Variants in TRPM1 observed in about 807,000 individuals in gnomAD.
TRPM1 encodes TRPM1-203 APA Isoform, Intron 10.
In TRPM1, 113 loss-of-function variants were observed where a neutral mutation model predicts 149.4. The observed-to-expected ratio is 0.76, with a 90% confidence interval of 0.65 to 0.88. The LOEUF (loss-of-function observed/expected upper bound fraction) is 0.88, where lower values mean the gene tolerates loss of function less well. TRPM1 is among the 40% of genes least tolerant of loss of function. TRPM1 has a pLI of 0.00. For missense variants in TRPM1, 1,976 were observed against 2,038.7 expected, an observed-to-expected ratio of 0.97 and a Z score of 0.59; for synonymous variants, 741 against 759.5, an observed-to-expected ratio of 0.98 and a Z score of 0.40.
In TRPM1 at chr15:31,070,310, G is replaced by C. The variant is rs1050313671; in HGVS notation, c.84-84C>G. 9 of 1,385,974 alleles carry C rather than the reference G, an allele frequency of 6.5e-6. No individual in the cohort carries two copies. The African/African-American group carries it at 1.3e-4, about 20-fold the overall frequency. 85.9% of individuals were successfully genotyped at this position (1,385,974 alleles called of 1,614,324 possible). Reference sequence around the variant, plus strand: ...AGCAAAAATGAATTAACCTCAACAGGTGAGTTGGGCCCAAACAGGAGCCTA... The same window carrying C: ...AGCAAAAATGAATTAACCTCAACAGCTGAGTTGGGCCCAAACAGGAGCCTA... On this transcript the variant is annotated intron_variant, in intron 3 of 27. Transcript: ENST00000256552.
At chr15:31,102,041 T>A (rs1177315788), upstream of TRPM1, among the ~76,000 whole-genome samples, 1 of 152,218 alleles carries the variant, frequency 6.6e-6, no homozygotes, top group Non-Finnish European at 1.5e-5. Context: ...CAATTGGACA[T>A]AATGGTTCTT....
intron 27 of TRPM1, among the ~76,000 whole-genome samples, chr15:31,010,256 G>A (rs1045782361): frequency 1.3e-5 from 2 of 152,196 alleles, no homozygotes; most frequent in African/African-American, 4.8e-5. Context: ...TGATTCCAAT[G>A]CCAGTTCAGT....
chr15:31,112,689 G>C (rs1057203021), intron 1 of TRPM1, among the ~76,000 whole-genome samples: 1 of 152,084 alleles, frequency 6.6e-6, no homozygotes, highest in African/African-American at 2.4e-5. Flanking sequence ...CTGCCCAAAG[G>C]TGATATTCTC....
intron 1 of TRPM1, among the ~76,000 whole-genome samples, chr15:31,123,361 C>T (rs145112881): frequency 7.2e-5 from 11 of 152,184 alleles, no homozygotes; most frequent in African/African-American, 2.6e-4. Context: ...AACTTCTGCT[C>T]TGTAAAAGAC....
In TRPM1 at chr15:31,058,756, T is replaced by C. The variant is rs1039176058; in HGVS notation, c.1263+1788A>G. Among the ~76,000 whole-genome samples the C allele has an allele frequency of 2.0e-5, 3 of 152,344 alleles. No homozygotes were observed. In the East Asian group the frequency reaches 5.8e-4, roughly 29 times the overall value. On this transcript the variant is annotated intron_variant, in intron 11 of 27. Transcript: ENST00000256552. ...GACAGAACAAGTAGGTGGTTCCACG[T>C]ACTCTTTACCGTCATAAAGGTGACC... is the stretch of plus-strand genomic sequence containing the variant.
chr15:31,088,014 T>G (rs1274890886), intron 1 of TRPM1, among the ~76,000 whole-genome samples: 1 of 152,236 alleles, frequency 6.6e-6, no homozygotes, highest in East Asian at 1.9e-4. Flanking sequence ...TAAAACAACT[T>G]TTTAAGAAAT....
At chr15:31,017,779 A>G (rs1382775160) in intron 27 of TRPM1, among the ~76,000 whole-genome samples, 3 of 152,258 alleles carry the variant, frequency 2.0e-5, no homozygotes, top group African/African-American at 4.8e-5. Context: ...GGGGTTGTAC[A>G]TAATGTGTTC....
intron 1 of TRPM1, among the ~76,000 whole-genome samples, chr15:31,152,885 C>T (rs554799861): frequency 6.6e-6 from 1 of 152,276 alleles, no homozygotes; most frequent in East Asian, 1.9e-4. Context: ...TCAAGTGATC[C>T]TCTTGCCTCA....
rs983376248 is a variant in TRPM1 at position 31,001,138 on chromosome 15, GATATA to G, written c.*679_*683del. On this transcript the variant is annotated 3_prime_UTR_variant, in exon 28 of 28. Transcript: ENST00000256552. Reference sequence around the variant, plus strand: ...CCTAAATTATTAGAGTATGATGTTTGATATAATTGTGTACTTTTTTTCCCATTGTG... The same window carrying G: ...CCTAAATTATTAGAGTATGATGTTTGATTGTGTACTTTTTTTCCCATTGTG... 1.6e-4 allele frequency: 25 copies of G among 152,216 alleles called. No individual in the cohort carries two copies. The highest frequency in any genetic ancestry group is 4.8e-4 in the African/African-American group (20 of 41,532). 9.4% of individuals were successfully genotyped at this position (152,216 alleles called of 1,614,324 possible).
At chr15:31,056,903 G>A (rs1253047570) in intron 11 of TRPM1, among the ~76,000 whole-genome samples, 3 of 152,292 alleles carry the variant, frequency 2.0e-5, no homozygotes, top group Non-Finnish European at 4.4e-5. Context: ...TACCCCATCT[G>A]TGGTATTCTG....
In TRPM1 at chr15:31,040,849, G is replaced by A. The variant is rs796206616; in HGVS notation, c.2088-503C>T. ...AGTTGATCTGGGTGCTGGTGGTGCC[G>A]GCATGTCCCACCTGTGGACTGTCAC... On this transcript the variant is annotated intron_variant, in intron 17 of 27. Coordinates refer to ENST00000256552, the MANE Select transcript of TRPM1 (RefSeq NM_001252024.2). The surrounding 1 kb of genome is among the most constrained non-coding windows in gnomAD (Gnocchi z 4.2). Among the ~76,000 whole-genome samples, 14 of 152,192 alleles carry A rather than the reference G, an allele frequency of 9.2e-5. 1 individual carries two copies. Among genetic ancestry groups the A allele is most frequent in the African/African-American group, 3.1e-4 (13 of 41,526 alleles).
intron 1 of TRPM1, among the ~76,000 whole-genome samples, chr15:31,152,968 T>TA (rs2036323669): frequency 6.6e-6 from 1 of 152,182 alleles, no homozygotes; most frequent in Non-Finnish European, 1.5e-5. Flanking sequence ...AAGGCCTTTG[T>TA]AGCAATAAGA....
At chr15:31,030,495 A>G (rs527974435) in intron 23 of TRPM1, among the ~76,000 whole-genome samples, 2 of 152,360 alleles carry the variant, frequency 1.3e-5, no homozygotes, top group South Asian at 4.1e-4. Context: ...ACTAACATCC[A>G]GATTATTTTT....
intron 27 of TRPM1, among the ~76,000 whole-genome samples, chr15:31,006,170 C>A (rs1257069562): frequency 1.3e-5 from 2 of 151,836 alleles, no homozygotes; most frequent in African/African-American, 2.4e-5. Flanking sequence ...TTAAAGATTT[C>A]TTTTCTTTTC....
intron 1 of TRPM1, among the ~76,000 whole-genome samples, chr15:31,123,719 C>A (rs75263130): frequency 0.032 from 4,945 of 152,252 alleles, 257 homozygotes; most frequent in African/African-American, 0.11. Flanking sequence ...TAGGAGAATG[C>A]AGAGCAGCAG....
At chr15:31,060,752 A>G (rs1381554611) in intron 10 of TRPM1, 108 bp from the exon 11 acceptor site, 7 of 851,022 alleles carry the variant, frequency 8.2e-6, no homozygotes, top group Non-Finnish European at 1.4e-5. Context: ...CTGGCCTAGA[A>G]CTAAGCATTG....
intron 1 of TRPM1, among the ~76,000 whole-genome samples, chr15:31,088,484 C>T (rs1366333122): frequency 1.3e-5 from 2 of 152,122 alleles, no homozygotes. Flanking sequence ...GTCAGCAAGC[C>T]CACGAACACA....
intron 1 of TRPM1, among the ~76,000 whole-genome samples, chr15:31,117,434 C>T (rs1017496709): frequency 5.3e-5 from 8 of 152,106 alleles, no homozygotes; most frequent in Admixed American, 1.3e-4. Flanking sequence ...TGCAGAGACC[C>T]GAGATCGTGC....
chr15:31,049,453 A>G lies in TRPM1; in HGVS notation c.1494T>C (p.Phe498=), dbSNP rs2033878878. 1.2e-6 allele frequency: 2 copies of G among 1,614,212 alleles called. No homozygotes were observed. The highest frequency in any genetic ancestry group is 1.1e-5 in the South Asian group (1 of 91,090). The change falls in exon 13 of 28, where the codon TTT becomes TTC. Residue 498 remains phenylalanine (F), a synonymous_variant. Transcript: ENST00000256552. The part of the protein sequence containing the change: ...LDALVLDRVD[F]VKLLIENGVN... Reference sequence around the variant, plus strand: ...CTCCGTTTTCAATCAGGAGCTTCACAAAGTCGACACGATCTAAGACTAAAG... The same window carrying G: ...CTCCGTTTTCAATCAGGAGCTTCACGAAGTCGACACGATCTAAGACTAAAG...
Sources: gnomAD v4.1 joint callset for allele counts (sites outside exome capture counted in the v4.1 genomes callset) on GRCh38, gnomAD v4.1.1 for gene constraint, Gnocchi (gnomAD v3.1) non-coding constraint, MANE v1.5 for transcripts, NCBI Gene and HGNC (gene_info 2026-07-23, HGNC 2026-07-21) for gene names.